The following ST6GALNAC3 variants were observed in gnomAD, a reference collection of about 807,000 sequenced individuals.
The protein encoded by ST6GALNAC3 is alpha-N-acetylgalactosaminide alpha-2,6-sialyltransferase 3.
Under a neutral mutation model 32.7 loss-of-function variants are expected in ST6GALNAC3, and 25 were observed. The observed-to-expected ratio is 0.76, with a 90% CI of 0.56 to 1.07. ST6GALNAC3 has a LOEUF of 1.07. ST6GALNAC3 is among the 50% of genes least tolerant of loss of function. The pLI is 0.00. For synonymous variants in ST6GALNAC3, 129 were observed against 133.1 expected, an observed-to-expected ratio of 0.97 and a Z score of 0.21; for missense variants, 355 against 382.4, an observed-to-expected ratio of 0.93 and a Z score of 0.60.
chr1:76,190,323 G>A (rs1317430849), intron 1 of ST6GALNAC3, among the ~76,000 whole-genome samples: 1 of 152,094 alleles, frequency 6.6e-6, no homozygotes, highest in South Asian at 2.1e-4. Context: ...AAAAGTGCAT[G>A]GTACTCCAAC....
intron 3 of ST6GALNAC3, among the ~76,000 whole-genome samples, chr1:76,518,555 A>G (rs894160588): frequency 6.6e-6 from 1 of 152,040 alleles, no homozygotes; most frequent in Non-Finnish European, 1.5e-5. Flanking sequence ...GTTTGTTTAA[A>G]TACAGTATGT....
chr1:76,174,827 T>A (rs1246353601), intron 1 of ST6GALNAC3, among the ~76,000 whole-genome samples: 1 of 151,794 alleles, frequency 6.6e-6, no homozygotes, highest in Non-Finnish European at 1.5e-5. Flanking sequence ...CCACCATACC[T>A]GGCTAATTTT....
At chr1:76,507,311 AC>A (rs1307162054) in intron 3 of ST6GALNAC3, among the ~76,000 whole-genome samples, 1 of 152,148 alleles carries the variant, frequency 6.6e-6, no homozygotes, top group Non-Finnish European at 1.5e-5. Flanking sequence ...TATATAATTT[AC>A]CCATTTAAAG....
intron 2 of ST6GALNAC3, among the ~76,000 whole-genome samples, chr1:76,408,504 GC>G (rs1007026652): frequency 2.0e-5 from 3 of 152,054 alleles, no homozygotes; most frequent in African/African-American, 7.2e-5. Flanking sequence ...CCCAATGTTT[GC>G]CCTCAAGTTG....
chr1:76,234,203 C>G (rs1656523760), intron 1 of ST6GALNAC3, among the ~76,000 whole-genome samples: 1 of 152,132 alleles, frequency 6.6e-6, no homozygotes, highest in South Asian at 2.1e-4. Context: ...CCTCCATGTG[C>G]TTTACTGCTT....
chr1:76,461,871 G>A (rs1658301525), intron 3 of ST6GALNAC3, among the ~76,000 whole-genome samples: 1 of 152,088 alleles, frequency 6.6e-6, no homozygotes, highest in Non-Finnish European at 1.5e-5. Flanking sequence ...TAGTTGTTTG[G>A]TTAGTGAGAC....
intron 3 of ST6GALNAC3, among the ~76,000 whole-genome samples, chr1:76,492,368 C>A (rs1466286883): frequency 6.6e-6 from 1 of 151,542 alleles, no homozygotes; most frequent in African/African-American, 2.4e-5. Flanking sequence ...GGAAAATAGA[C>A]TGACATAAAA....
At chr1:76,351,720 G>A (rs1194932402) in intron 2 of ST6GALNAC3, among the ~76,000 whole-genome samples, 1 of 152,026 alleles carries the variant, frequency 6.6e-6, no homozygotes, top group African/African-American at 2.4e-5. Context: ...GGCATATTCT[G>A]GTATATGCCT....
intron 3 of ST6GALNAC3, among the ~76,000 whole-genome samples, chr1:76,521,882 A>G (rs1357003407): frequency 2.0e-5 from 3 of 152,254 alleles, no homozygotes; most frequent in African/African-American, 7.2e-5. Flanking sequence ...CAGCCTGGGC[A>G]ACACGGTGAA....
chr1:76,582,643 T>G (rs935431806), intron 3 of ST6GALNAC3, among the ~76,000 whole-genome samples: 3 of 152,212 alleles, frequency 2.0e-5, no homozygotes, highest in African/African-American at 7.2e-5. Context: ...TATCACAGAA[T>G]GTAAACTATT....
At chr1:76,184,377 GA>G (rs1311903585) in intron 1 of ST6GALNAC3, among the ~76,000 whole-genome samples, 2 of 152,000 alleles carry the variant, frequency 1.3e-5, no homozygotes, top group African/African-American at 4.8e-5. Context: ...TGTCTCTACT[GA>G]AATTACAAAA....
At chr1:76,266,354 A>G (rs1483622186) in intron 1 of ST6GALNAC3, among the ~76,000 whole-genome samples, 1 of 152,096 alleles carries the variant, frequency 6.6e-6, no homozygotes, top group Admixed American at 6.6e-5. Context: ...CCAAGTCTTT[A>G]CTGCCGAAAC....
At chr1:76,527,352 G>T (rs1412577895) in intron 3 of ST6GALNAC3, among the ~76,000 whole-genome samples, 1 of 151,980 alleles carries the variant, frequency 6.6e-6, no homozygotes, top group Non-Finnish European at 1.5e-5. Flanking sequence ...TGCCCAAGAG[G>T]CTGACAAGCT....
chr1:76,307,938 C>T, intron 1 of ST6GALNAC3: 1 of 511,784 alleles, frequency 2.0e-6, no homozygotes, highest in South Asian at 1.4e-5. Flanking sequence ...CTCTAAAGAG[C>T]AAGCAGCTAG....
intron 2 of ST6GALNAC3, among the ~76,000 whole-genome samples, chr1:76,342,725 C>A (rs1279006155): frequency 6.6e-6 from 1 of 151,978 alleles, no homozygotes; most frequent in East Asian, 1.9e-4. Flanking sequence ...TTCTCTGCAA[C>A]CTCACTAATA....
At chr1:76,302,630 G>A (rs149407721) in intron 1 of ST6GALNAC3, among the ~76,000 whole-genome samples, 115 of 152,028 alleles carry the variant, frequency 7.6e-4, no homozygotes, top group Middle Eastern at 3.4e-3. Context: ...CTTTTACCAG[G>A]CAGTGCTCTA....
At chr1:76,142,955 T>C in intron 1 of ST6GALNAC3, 1 of 431,688 alleles carries the variant, frequency 2.3e-6, no homozygotes, top group Non-Finnish European at 4.6e-6. Context: ...TTGACTTTAT[T>C]CTGCTGGAAA....
intron 1 of ST6GALNAC3, among the ~76,000 whole-genome samples, chr1:76,153,885 G>A (rs1422000447): frequency 2.6e-5 from 4 of 152,064 alleles, no homozygotes; most frequent in Non-Finnish European, 1.5e-5. Flanking sequence ...GTCCAAACGG[G>A]CGCCCCTCAG....
chr1:76,092,484 A>AT (rs35498723), intron 1 of ST6GALNAC3, among the ~76,000 whole-genome samples: 1 of 151,968 alleles, frequency 6.6e-6, no homozygotes, highest in African/African-American at 2.4e-5. Flanking sequence ...TTTAGAAGCA[A>AT]TTTTTATGGG....
Sources: allele counts gnomAD v4.1 joint callset (sites outside exome capture counted in the v4.1 genomes callset), GRCh38; gene constraint gnomAD v4.1.1; transcripts MANE v1.5; gene names NCBI Gene and HGNC (gene_info 2026-07-23, HGNC 2026-07-21).